The following CNTLN variants were observed in gnomAD, a reference collection of about 807,000 sequenced individuals.
The protein encoded by CNTLN is centlein.
Under a neutral mutation model 180.0 loss-of-function variants are expected in CNTLN, and 212 were observed. The observed-to-expected ratio is 1.18, with a 90% confidence interval of 1.05 to 1.32. The LOEUF is 1.32. Among genes scored for constraint, CNTLN ranks in the 40% most tolerant of loss-of-function variants. CNTLN has a pLI of 0.00. For missense variants in CNTLN, 2,095 were observed against 1,610.9 expected, an observed-to-expected ratio of 1.30 and a Z score of -5.14; for synonymous variants, 722 against 563.1, an observed-to-expected ratio of 1.28 and a Z score of -3.99.
In CNTLN at chr9:17,288,228, A is replaced by G. The variant is rs1214193358; in HGVS notation, c.984-9962A>G. Among the ~76,000 whole-genome samples the G allele has an allele frequency of 2.5e-5, 3 of 121,806 alleles. 1 individual carries two copies. Among genetic ancestry groups the G allele is most frequent in the Non-Finnish European group, 4.9e-5 (3 of 61,386 alleles). 79.9% of individuals were successfully genotyped at this position (121,806 alleles called of 152,430 possible). On this transcript the variant is annotated intron_variant, in intron 6 of 25. Coordinates refer to ENST00000380647, the MANE Select transcript of CNTLN (RefSeq NM_017738.4). ...TTGTGTCTTTGTTCTCGTTGGTTTC[A>G]AAGAACATCTTTATTGCTGCCTTCA...
At chr9:17,323,643 G>A (rs1587656208) in intron 8 of CNTLN, among the ~76,000 whole-genome samples, 2 of 152,138 alleles carry the variant, frequency 1.3e-5, no homozygotes, top group Non-Finnish European at 2.9e-5. Flanking sequence ...TTTACATGGC[G>A]GATGCCTAAC....
chr9:17,199,045 A>C (rs1208292275), intron 2 of CNTLN, among the ~76,000 whole-genome samples: 1 of 152,128 alleles, frequency 6.6e-6, no homozygotes, highest in East Asian at 1.9e-4. Flanking sequence ...GTATATACTC[A>C]GTAATGGGAT....
At chr9:17,441,584 G>A (rs1830111472) in intron 18 of CNTLN, among the ~76,000 whole-genome samples, 1 of 144,994 alleles carries the variant, frequency 6.9e-6, no homozygotes, top group Admixed American at 6.8e-5. Flanking sequence ...GAGTCAAAAC[G>A]TGTCACTGCA....
chr9:17,441,873 A>G (rs147878571), intron 18 of CNTLN, among the ~76,000 whole-genome samples: 200 of 152,310 alleles, frequency 1.3e-3, no homozygotes, highest in African/African-American at 4.6e-3. Flanking sequence ...TACAAAGGGT[A>G]AGCAAAGGAG....
At chr9:17,255,088 G>A (rs1003354125) in intron 5 of CNTLN, among the ~76,000 whole-genome samples, 4 of 151,720 alleles carry the variant, frequency 2.6e-5, no homozygotes, top group African/African-American at 4.8e-5. Context: ...CATTGTTAGT[G>A]TATAGAATCT....
At chr9:17,294,966 C>T (rs1449031417) in intron 6 of CNTLN, among the ~76,000 whole-genome samples, 1 of 149,072 alleles carries the variant, frequency 6.7e-6, no homozygotes, top group African/African-American at 2.5e-5. Context: ...TGCAGGTCCC[C>T]AGCCCTGCCG....
At chr9:17,255,999 A>G (rs1365484240) in intron 5 of CNTLN, among the ~76,000 whole-genome samples, 1 of 151,924 alleles carries the variant, frequency 6.6e-6, no homozygotes, top group Admixed American at 6.6e-5. Flanking sequence ...GTTAGAATAC[A>G]GTTGTTCTTA....
At chr9:17,310,516 A>G (rs1337415039) in intron 8 of CNTLN, among the ~76,000 whole-genome samples, 1 of 152,206 alleles carries the variant, frequency 6.6e-6, no homozygotes, top group Non-Finnish European at 1.5e-5. Flanking sequence ...TGTTATGGGT[A>G]ATATTACTGT....
chr9:17,288,379 G>T (rs1207800845), intron 6 of CNTLN, among the ~76,000 whole-genome samples: 8 of 130,072 alleles, frequency 6.2e-5, no homozygotes, highest in African/African-American at 1.6e-4. Context: ...GAGATAGTTT[G>T]TTATAATTTC....
intron 1 of CNTLN, among the ~76,000 whole-genome samples, chr9:17,137,990 GA>G (rs1817837099): frequency 6.6e-6 from 1 of 152,148 alleles, no homozygotes; most frequent in Non-Finnish European, 1.5e-5. Context: ...AATGAGGGAA[GA>G]AAAGCTATCT....
intron 7 of CNTLN, chr9:17,299,346 C>G (rs1818187695): frequency 7.0e-6 from 3 of 427,786 alleles, no homozygotes; most frequent in South Asian, 9.9e-5. Context: ...TAGTGTTATT[C>G]TCATTTAATG....
chr9:17,298,524 T>C, intron 7 of CNTLN, 172 bp downstream of exon 7: 1 of 1,305,590 alleles, frequency 7.7e-7, no homozygotes. Flanking sequence ...TAAAATTTTT[T>C]GAATTTTCTT....
At chr9:17,410,804 G>T (rs1434634929) in intron 16 of CNTLN, among the ~76,000 whole-genome samples, 2 of 151,972 alleles carry the variant, frequency 1.3e-5, no homozygotes, top group African/African-American at 4.8e-5. Context: ...TTATTCAAAG[G>T]TGCCACCTTT....
intron 2 of CNTLN, among the ~76,000 whole-genome samples, chr9:17,221,980 A>G (rs534511962): frequency 6.0e-4 from 91 of 152,084 alleles, no homozygotes; most frequent in African/African-American, 2.1e-3. Flanking sequence ...CGAACAAACT[A>G]TATGTACGCT....
At chr9:17,267,885 C>T (rs1411338793) in intron 5 of CNTLN, among the ~76,000 whole-genome samples, 1 of 152,166 alleles carries the variant, frequency 6.6e-6, no homozygotes, top group East Asian at 1.9e-4. Flanking sequence ...TTTTCAGCTC[C>T]ATCAGGTTCT....
At chr9:17,253,024 C>G (rs1369803109) in intron 5 of CNTLN, among the ~76,000 whole-genome samples, 1 of 151,348 alleles carries the variant, frequency 6.6e-6, no homozygotes, top group Admixed American at 6.6e-5. Flanking sequence ...GAGGCGCTAT[C>G]CTATTCTATC....
chr9:17,316,044 C>G (rs1166177527), intron 8 of CNTLN, among the ~76,000 whole-genome samples: 1 of 151,658 alleles, frequency 6.6e-6, no homozygotes, highest in East Asian at 1.9e-4. Flanking sequence ...AGTTTTTTTC[C>G]CCATCATTAT....
intron 2 of CNTLN, among the ~76,000 whole-genome samples, chr9:17,155,987 A>G (rs1451550953): frequency 6.6e-6 from 1 of 151,826 alleles, no homozygotes; most frequent in East Asian, 1.9e-4. Context: ...TAGGGGAGAA[A>G]ATTCCCCCAC....
chr9:17,210,116 AG>A, intron 2 of CNTLN, among the ~76,000 whole-genome samples: 1 of 152,268 alleles, frequency 6.6e-6, no homozygotes, highest in African/African-American at 2.4e-5. Context: ...CACAACGTGC[AG>A]GTTTGTTACA....
Sources: allele counts gnomAD v4.1 joint callset (sites outside exome capture counted in the v4.1 genomes callset), GRCh38; gene constraint gnomAD v4.1.1; transcripts MANE v1.5; gene names NCBI Gene and HGNC (gene_info 2026-07-23, HGNC 2026-07-21).